The following MRE11 variants were observed in gnomAD, a reference collection of about 807,000 sequenced individuals.
The protein encoded by MRE11 is double-strand break repair protein MRE11.
A neutral mutation model predicts 91.7 loss-of-function variants in MRE11; 62 were observed. The ratio of observed to expected loss-of-function variants is 0.68; its 90% CI spans 0.55 to 0.84. MRE11 has a LOEUF of 0.84. Among genes scored for constraint, MRE11 ranks in the 40% least tolerant of loss-of-function variants. MRE11 has a pLI of 0.00. For synonymous variants in MRE11, 273 were observed against 271.4 expected (o/e 1.01, Z -0.06); for missense variants, 796 against 852.9 (o/e 0.93, Z 0.83).
intron 11 of MRE11, among the ~76,000 whole-genome samples, chr11:94,462,473 C>T (rs967657100): frequency 6.6e-6 from 1 of 152,168 alleles, no homozygotes; most frequent in Non-Finnish European, 1.5e-5. Flanking sequence ...ATTGCCAAGA[C>T]AATCCTAAGC....
At position 94,430,711 on chromosome 11, in the gene MRE11, C is replaced by T. The variant is rs566398756; in HGVS notation, c.1995-725G>A. Among the ~76,000 whole-genome samples, 18 of 152,166 alleles carry T rather than the reference C, an allele frequency of 1.2e-4. No individual in the cohort carries two copies. The East Asian group carries it at 1.4e-3, about 11-fold the overall frequency. ...TCCTCTATCTCTTGACCTCGTGATC[C>T]GCCCACCTCGGCCTCCCAAATGCTA... is the stretch of plus-strand genomic sequence containing the variant. On this transcript the variant is annotated intron_variant, in intron 18 of 19. Transcript: ENST00000323929.
chr11:94,438,406 G>A (rs779097647), intron 16 of MRE11, among the ~76,000 whole-genome samples: 5 of 152,112 alleles, frequency 3.3e-5, no homozygotes, highest in Non-Finnish European at 7.4e-5. Context: ...CCCCAAACTT[G>A]TAATATCTAA....
In MRE11 at chr11:94,441,160, G is replaced by C. The variant is rs533675265; in HGVS notation, c.1868-3925C>G. Among the ~76,000 whole-genome samples, 124 of 152,244 alleles carry C rather than the reference G, an allele frequency of 8.1e-4. 2 individuals are homozygous for C. Among genetic ancestry groups the C allele is most frequent in the Admixed American group, 8.0e-3 (122 of 15,278 alleles). ...AAAGAGTCCACTTTCTGCTGCAAAG[G>C]GGGAAGCAGTACCCTTAAGGTAGGA... On this transcript the variant is annotated intron_variant, in intron 16 of 19. Transcript: ENST00000323929.
At position 94,437,176 on chromosome 11, in the gene MRE11, C is replaced by T; in HGVS notation, c.1926+1G>A. ...CACAACCATAAAACTTTTTTTCTTA[C>T]CTCTGAATAATTCTTAGTAGTGACA... On this transcript the variant is annotated splice_donor_variant, in intron 17 of 19. Coordinates refer to ENST00000323929, the MANE Select transcript of MRE11 (RefSeq NM_005591.4). LOFTEE classifies it high-confidence loss of function. The T allele has an allele frequency of 6.2e-7, 1 of 1,610,554 alleles. No individual in the cohort carries two copies. Among genetic ancestry groups the T allele is most frequent in the African/African-American group, 1.3e-5 (1 of 74,880 alleles).
chr11:94,421,389 TTTA>T (rs1945168516), intron 19 of MRE11, among the ~76,000 whole-genome samples: 1 of 152,374 alleles, frequency 6.6e-6, no homozygotes, highest in Non-Finnish European at 1.5e-5. Flanking sequence ...TTCATTTTCA[TTTA>T]TTGATTCATT....
intron 8 of MRE11, 58 bp downstream of exon 8, chr11:94,471,516 T>G: frequency 2.0e-6 from 3 of 1,532,346 alleles, no homozygotes; most frequent in Non-Finnish European, 1.8e-6. Flanking sequence ...ACCTATGAGA[T>G]GATTAGTTAT....
chr11:94,480,236 T>C (rs1180020291), intron 4 of MRE11, among the ~76,000 whole-genome samples: 1 of 152,192 alleles, frequency 6.6e-6, no homozygotes, highest in Admixed American at 6.5e-5. Context: ...CAAATAATGT[T>C]AGCAATTTCT....
intron 14 of MRE11, among the ~76,000 whole-genome samples, chr11:94,448,988 G>A (rs1208331733): frequency 6.6e-6 from 1 of 152,176 alleles, no homozygotes; most frequent in Non-Finnish European, 1.5e-5. Flanking sequence ...AGGGAGAAAG[G>A]TGAGAAGAGT....
chr11:94,426,478 C>CAAATTGTT, intron 19 of MRE11, among the ~76,000 whole-genome samples: 2 of 119,882 alleles, frequency 1.7e-5, no homozygotes, highest in Admixed American at 8.8e-5. Context: ...ATCAAATTAA[C>CAAATTGTT]AATTTAACAT....
the MRE11 span, among the ~76,000 whole-genome samples, chr11:94,506,840 T>C: frequency 6.6e-6 from 1 of 152,176 alleles, no homozygotes; most frequent in African/African-American, 2.4e-5. Flanking sequence ...TCCTCCTGCC[T>C]TGGCCTCCAA....
rs562964715 is a variant in MRE11, at chr11:94,416,366, A to C, written c.*3759T>G. 1.8e-4 allele frequency: 28 copies of C among 152,332 alleles called. No individual in the cohort carries two copies. Among genetic ancestry groups the C allele is most frequent in the African/African-American group, 6.7e-4 (28 of 41,568 alleles). 9.4% of individuals were successfully genotyped at this position (152,332 alleles called of 1,614,324 possible). The stretch of plus-strand genomic sequence containing the variant: ...CAAGTTATATAAGCTGGTTCTTTAG[A>C]TCAAACTAAAATTCTAGTATTTTCT... On this transcript the variant is annotated 3_prime_UTR_variant, in exon 20 of 20. Transcript: ENST00000323929.
intron 13 of MRE11, among the ~76,000 whole-genome samples, chr11:94,457,913 A>ACACG (rs1555008814): frequency 6.8e-6 from 1 of 146,590 alleles, no homozygotes; most frequent in African/African-American, 2.5e-5. Context: ...ACACACACAC[A>ACACG]CCCCACACAG....
At chr11:94,496,541 T>C (rs118181560), upstream of MRE11, 7,112 of 671,086 alleles carry the variant, frequency 0.011, 58 homozygotes, top group Middle Eastern at 0.015. Context: ...GCAAGACTTA[T>C]CTATGCAGTT....
At chr11:94,448,918 C>T (rs1946019495) in intron 14 of MRE11, among the ~76,000 whole-genome samples, 1 of 151,822 alleles carries the variant, frequency 6.6e-6, no homozygotes, top group Admixed American at 6.6e-5. Context: ...AGTTCCAAAC[C>T]CCCAAACACA....
chr11:94,479,597 G>T, intron 5 of MRE11, 77 bp downstream of exon 5: 1 of 1,253,362 alleles, frequency 8.0e-7, no homozygotes, highest in East Asian at 2.3e-5. Flanking sequence ...TGAGAAAAAG[G>T]GAAGGCATGC....
intron 16 of MRE11, among the ~76,000 whole-genome samples, chr11:94,443,030 T>C (rs1485582748): frequency 6.6e-6 from 1 of 152,220 alleles, no homozygotes; most frequent in Non-Finnish European, 1.5e-5. Flanking sequence ...AGTAAAAATA[T>C]AGCAATGGAA....
intron 11 of MRE11, among the ~76,000 whole-genome samples, chr11:94,461,846 T>C (rs1257773): frequency 0.99 from 150,762 of 152,290 alleles, 74,640 homozygotes; most frequent in Middle Eastern, 1. Flanking sequence ...GAGGCCGAGG[T>C]GGGCGGATCA....
chr11:94,461,028 T>A lies in MRE11; in HGVS notation c.1234A>T (p.Ile412Phe). 1 of 1,612,236 alleles carries A rather than the reference T, an allele frequency of 6.2e-7. No individual in the cohort carries two copies. Among genetic ancestry groups the A allele is most frequent in the Non-Finnish European group, 8.5e-7 (1 of 1,178,958 alleles). ...TTTGTGATAAGTTTCCCAAAGTTGA[T>A]CTCTTCTCCTAGAAAAAAAGAAGTA... ...REQKEKTGEE[I>F]NFGKLITKPS... The change falls in exon 12 of 20, where the codon ATC (isoleucine) becomes TTC (phenylalanine). Residue 412 changes from isoleucine to phenylalanine, a missense_variant. Ile to Phe is a conservative substitution (Grantham distance 21). Transcript: ENST00000323929.
upstream of MRE11, among the ~76,000 whole-genome samples, chr11:94,495,511 T>G (rs1478366291): frequency 6.6e-6 from 1 of 152,104 alleles, no homozygotes; most frequent in Non-Finnish European, 1.5e-5. Context: ...ATGAAAGAGA[T>G]AACATCAGAG....
Sources: allele counts gnomAD v4.1 joint callset (sites outside exome capture counted in the v4.1 genomes callset), GRCh38; gene constraint gnomAD v4.1.1; transcripts MANE v1.5; gene names NCBI Gene and HGNC (gene_info 2026-07-23, HGNC 2026-07-21).